The following LRRTM4 variants were observed in gnomAD, a reference collection of about 807,000 sequenced individuals.
LRRTM4 encodes leucine rich repeat transmembrane neuronal 4, also known as leucine-rich repeat transmembrane neuronal protein 4.
LRRTM4 carries 25 observed loss-of-function variants against 47.6 expected under a neutral mutation model. The ratio of observed to expected loss-of-function variants is 0.53; its 90% CI spans 0.38 to 0.73. LRRTM4 has a LOEUF of 0.73. Among genes scored for constraint, LRRTM4 ranks in the 30% least tolerant of loss-of-function variants. LRRTM4 has a pLI of 0.00. For missense variants in LRRTM4, 638 were observed against 713.4 expected, an observed-to-expected ratio of 0.89 and a Z score of 1.20; for synonymous variants, 311 against 269.5, an observed-to-expected ratio of 1.15 and a Z score of -1.51.
intron 3 of LRRTM4, among the ~76,000 whole-genome samples, chr2:77,390,315 A>G (rs1673450631): frequency 6.6e-6 from 1 of 151,986 alleles, no homozygotes; most frequent in African/African-American, 2.4e-5. Context: ...AGACACACAT[A>G]TTTACTAGTA....
chr2:76,885,135 C>G (rs1250396416), intron 3 of LRRTM4, among the ~76,000 whole-genome samples: 1 of 152,044 alleles, frequency 6.6e-6, no homozygotes, highest in African/African-American at 2.4e-5. Context: ...TATTTTTCCT[C>G]TCATATAGTA....
chr2:77,020,702 G>T (rs1274105031), intron 3 of LRRTM4, among the ~76,000 whole-genome samples: 1 of 152,068 alleles, frequency 6.6e-6, no homozygotes, highest in African/African-American at 2.4e-5. Flanking sequence ...AGCAGCCTGA[G>T]AAGGTCAAGT....
At position 77,086,385 on chromosome 2, in the gene LRRTM4, AT is replaced by A. The variant is rs560342671; in HGVS notation, c.1552-337470del. ...ATTTGTTGTGTCTTAAATTTTGCAT[AT>A]TTTTTACTTTTTAAACATTTTTAGT... is the stretch of plus-strand genomic sequence containing the variant. On this transcript the variant is annotated intron_variant, in intron 3 of 3. Coordinates refer to ENST00000409884, the MANE Select transcript of LRRTM4 (RefSeq NM_001134745.3). Among the ~76,000 whole-genome samples, 319 of 147,250 alleles carry A rather than the reference AT, an allele frequency of 2.2e-3. 4 individuals carry two copies. The highest frequency in any genetic ancestry group is 6.9e-3 in the African/African-American group (271 of 39,506).
chr2:77,031,312 C>G (rs1258400368), intron 3 of LRRTM4, among the ~76,000 whole-genome samples: 1 of 152,038 alleles, frequency 6.6e-6, no homozygotes, highest in Non-Finnish European at 1.5e-5. Context: ...AATTTTAGAT[C>G]AAATAAATAT....
At position 76,936,954 on chromosome 2, in the gene LRRTM4, CAAAAAAAAAAAAAAAA is replaced by C. The variant is rs56140303; in HGVS notation, c.1552-188054_1552-188039del. Among the ~76,000 whole-genome samples the C allele has an allele frequency of 8.1e-3, 185 of 22,708 alleles. 8 individuals carry two copies. The highest frequency in any genetic ancestry group is 3.9e-3 in the Non-Finnish European group (44 of 11,224). The allele number at this position is 22,708 out of a possible 152,430, so 14.9% of individuals were successfully genotyped here. ...TGGGCGACAGAGCAAGACTCCATCT[CAAAAAAAAAAAAAAAA>C]AAAAAAAAAAAAAAAGAGCACATAA... On this transcript the variant is annotated intron_variant, in intron 3 of 3. Coordinates refer to ENST00000409884, the MANE Select transcript of LRRTM4 (RefSeq NM_001134745.3).
chr2:76,848,165 T>C (rs999963964), intron 3 of LRRTM4, among the ~76,000 whole-genome samples: 2 of 152,154 alleles, frequency 1.3e-5, no homozygotes, highest in Non-Finnish European at 2.9e-5. Context: ...CTTTCCCCAA[T>C]AAATTTGCCT....
At chr2:77,095,770 C>G (rs1670795281) in intron 3 of LRRTM4, among the ~76,000 whole-genome samples, 1 of 152,126 alleles carries the variant, frequency 6.6e-6, no homozygotes, top group Non-Finnish European at 1.5e-5. Flanking sequence ...GCCTTGGCCT[C>G]CCAAAGTGCT....
At chr2:76,968,467 T>G (rs1464153393) in intron 3 of LRRTM4, among the ~76,000 whole-genome samples, 1 of 149,794 alleles carries the variant, frequency 6.7e-6, no homozygotes, top group East Asian at 2.0e-4. Context: ...TGCCTCTATA[T>G]CTATGTATCT....
chr2:77,096,012 AAG>A (rs1279659952), intron 3 of LRRTM4, among the ~76,000 whole-genome samples: 1 of 152,288 alleles, frequency 6.6e-6, no homozygotes, highest in South Asian at 2.1e-4. Flanking sequence ...TGCTTAAAAA[AAG>A]AGGTTTTAAT....
intron 3 of LRRTM4, among the ~76,000 whole-genome samples, chr2:77,348,732 CTCT>C (rs1388419550): frequency 1.3e-5 from 2 of 150,008 alleles, no homozygotes; most frequent in South Asian, 2.1e-4. Flanking sequence ...TTATAACCAC[CTCT>C]TATGTACGTT....
At chr2:77,342,867 T>C (rs1227194909) in intron 3 of LRRTM4, among the ~76,000 whole-genome samples, 1 of 151,972 alleles carries the variant, frequency 6.6e-6, no homozygotes, top group Non-Finnish European at 1.5e-5. Flanking sequence ...GAGGACTCTA[T>C]GCCATGAACT....
At chr2:77,127,749 C>G (rs544971025) in intron 3 of LRRTM4, among the ~76,000 whole-genome samples, 2 of 152,120 alleles carry the variant, frequency 1.3e-5, no homozygotes, top group African/African-American at 2.4e-5. Context: ...ACTCTGCAAC[C>G]CCAGTTAAGT....
intron 3 of LRRTM4, among the ~76,000 whole-genome samples, chr2:77,198,045 G>A (rs1254626956): frequency 1.3e-5 from 2 of 152,204 alleles, no homozygotes; most frequent in African/African-American, 2.4e-5. Flanking sequence ...ACTAGGTCAT[G>A]TTGCAGTATA....
intron 3 of LRRTM4, among the ~76,000 whole-genome samples, chr2:77,121,457 GC>G (rs1208579917): frequency 6.6e-6 from 1 of 151,736 alleles, no homozygotes; most frequent in African/African-American, 2.4e-5. Flanking sequence ...TAATTGTTAT[GC>G]TTCACATTTA....
chr2:76,770,913 C>T (rs193049099), intron 3 of LRRTM4, among the ~76,000 whole-genome samples: 42 of 152,284 alleles, frequency 2.8e-4, no homozygotes, highest in African/African-American at 9.9e-4. Context: ...TCAAGTTAGC[C>T]TTTTCTCTGT....
intron 3 of LRRTM4, among the ~76,000 whole-genome samples, chr2:77,208,245 G>T (rs1189313526): frequency 6.6e-6 from 1 of 152,036 alleles, no homozygotes; most frequent in African/African-American, 2.4e-5. Flanking sequence ...CAACAATCAC[G>T]TGTTAGACAT....
chr2:77,444,003 A>G (rs1478002540), intron 3 of LRRTM4, among the ~76,000 whole-genome samples: 2 of 152,170 alleles, frequency 1.3e-5, no homozygotes, highest in African/African-American at 2.4e-5. Flanking sequence ...TAGTCACACC[A>G]TAAGAGCTTT....
chr2:77,063,844 C>T (rs1448057966), intron 3 of LRRTM4, among the ~76,000 whole-genome samples: 4 of 152,068 alleles, frequency 2.6e-5, no homozygotes, highest in African/African-American at 9.7e-5. Context: ...CTTCCCCCAT[C>T]CCATCAATTG....
At chr2:77,041,047 T>C (rs1047706607) in intron 3 of LRRTM4, among the ~76,000 whole-genome samples, 3 of 151,332 alleles carry the variant, frequency 2.0e-5, no homozygotes, top group African/African-American at 7.3e-5. Context: ...TGTACCTTTG[T>C]ACTCATCAAC....
Sources: gnomAD v4.1 joint callset for allele counts (sites outside exome capture counted in the v4.1 genomes callset) on GRCh38, gnomAD v4.1.1 for gene constraint, MANE v1.5 for transcripts, NCBI Gene and HGNC (gene_info 2026-07-23, HGNC 2026-07-21) for gene names.